The following TBC1D22B variants were observed in gnomAD, a reference collection of about 807,000 sequenced individuals.
The protein encoded by TBC1D22B is chromosome 6 open reading frame 197.
In TBC1D22B, 32 loss-of-function variants were observed where a neutral mutation model predicts 69.1. That is an observed-to-expected ratio of 0.46 (90% CI 0.35 to 0.62). The LOEUF is 0.62. Among genes scored for constraint, TBC1D22B ranks in the 20% least tolerant of loss-of-function variants. The pLI is 0.00. For synonymous variants in TBC1D22B, 206 were observed against 229.8 expected (o/e 0.90, Z 0.94); for missense variants, 462 against 630.9 (o/e 0.73, Z 2.87).
At chr6:37,297,883 A>C (rs1008434680) in intron 8 of TBC1D22B, among the ~76,000 whole-genome samples, 2 of 152,242 alleles carry the variant, frequency 1.3e-5, no homozygotes, top group South Asian at 4.1e-4. Context: ...GAATGAGTTC[A>C]TGTCCTTTGC....
At chr6:37,275,760 A>AATGTAT (rs1766649648) in intron 2 of TBC1D22B, among the ~76,000 whole-genome samples, 2 of 152,186 alleles carry the variant, frequency 1.3e-5, no homozygotes, top group Admixed American at 1.3e-4. Flanking sequence ...ATGGCTAGTG[A>AATGTAT]GTAGCCAATA....
At chr6:37,293,702 G>C (rs750859577) in intron 8 of TBC1D22B, among the ~76,000 whole-genome samples, 3 of 152,224 alleles carry the variant, frequency 2.0e-5, no homozygotes, top group Admixed American at 6.5e-5. Context: ...GCTTAGTGAA[G>C]AAGGTAGGTC....
At chr6:37,320,278 T>A (rs1167933418) in intron 12 of TBC1D22B, among the ~76,000 whole-genome samples, 3 of 152,146 alleles carry the variant, frequency 2.0e-5, no homozygotes, top group Non-Finnish European at 4.4e-5. Context: ...TGGGGTCGGA[T>A]CCCAGCTCTC....
intron 4 of TBC1D22B, 26 bp from the exon 5 acceptor site, chr6:37,282,856 C>T: frequency 6.2e-7 from 1 of 1,613,120 alleles, no homozygotes; most frequent in African/African-American, 1.3e-5. Flanking sequence ...GAGAGTTAAC[C>T]TAACAAGGCT....
chr6:37,328,232 G>A (rs1768487319), intron 12 of TBC1D22B, among the ~76,000 whole-genome samples: 2 of 152,184 alleles, frequency 1.3e-5, no homozygotes, highest in African/African-American at 4.8e-5. Flanking sequence ...TTGAACCTGG[G>A]AGGCGGAGGT....
At chr6:37,311,827 A>G (rs1232722850) in intron 8 of TBC1D22B, among the ~76,000 whole-genome samples, 1 of 152,242 alleles carries the variant, frequency 6.6e-6, no homozygotes, top group Non-Finnish European at 1.5e-5. Context: ...TAGAGAACTC[A>G]AGGGCTTGAT....
At chr6:37,284,836 C>A (rs1443706147) in intron 6 of TBC1D22B, among the ~76,000 whole-genome samples, 11 of 151,934 alleles carry the variant, frequency 7.2e-5, no homozygotes, top group Non-Finnish European at 1.6e-4. Context: ...TGCTGGTCCA[C>A]CAACCACACT....
In TBC1D22B at chr6:37,282,204, C is replaced by T; in HGVS notation, c.441C>T (p.Asn147=). 1 of 1,614,194 alleles carries T rather than the reference C, an allele frequency of 6.2e-7. No homozygotes were observed. The highest frequency in any genetic ancestry group is 1.1e-5 in the South Asian group (1 of 91,080). The part of the protein sequence containing the change: ...SRNSSDTCLR[N]PLHKQQSLPL... ...TCTCAGGTGATACATGCCTGAGGAA[C>T]CCACTCCACAAACAGCAATCACTCC... The change falls in exon 4 of 13, where the codon AAC becomes AAT. Residue 147 remains asparagine (N), a synonymous_variant. Coordinates refer to ENST00000373491, the MANE Select transcript of TBC1D22B (RefSeq NM_017772.4).
chr6:37,307,429 C>A (rs1367596684), intron 8 of TBC1D22B, among the ~76,000 whole-genome samples: 1 of 150,516 alleles, frequency 6.6e-6, no homozygotes, highest in African/African-American at 2.4e-5. Flanking sequence ...AATCTCGGCT[C>A]ACTGCAATTT....
chr6:37,263,052 C>T (rs902211229), intron 1 of TBC1D22B, among the ~76,000 whole-genome samples: 3 of 152,216 alleles, frequency 2.0e-5, no homozygotes, highest in South Asian at 2.1e-4. Flanking sequence ...TAACTAACCT[C>T]TGGTTTTTAG....
chr6:37,279,760 G>A (rs960498111), intron 3 of TBC1D22B, 149 bp downstream of exon 3: 64 of 904,908 alleles, frequency 7.1e-5, no homozygotes, highest in Non-Finnish European at 9.9e-5. Flanking sequence ...CATTAAGCCT[G>A]AGTGGTCACA....
intron 12 of TBC1D22B, among the ~76,000 whole-genome samples, chr6:37,323,583 C>A (rs1427568537): frequency 6.6e-6 from 1 of 152,162 alleles, no homozygotes; most frequent in Middle Eastern, 3.2e-3. Context: ...CTGAAGGTTT[C>A]TTTTGTAGGA....
intron 2 of TBC1D22B, among the ~76,000 whole-genome samples, chr6:37,277,854 C>T (rs534814698): frequency 4.6e-5 from 7 of 151,960 alleles, no homozygotes; most frequent in Middle Eastern, 6.8e-3. Flanking sequence ...AACTTCTGGG[C>T]GTGGTGGCTC....
chr6:37,307,751 TAGAA>T (rs985938849), intron 8 of TBC1D22B, among the ~76,000 whole-genome samples: 3 of 152,032 alleles, frequency 2.0e-5, no homozygotes, highest in African/African-American at 7.2e-5. Context: ...CTTTGGAAAA[TAGAA>T]AGGCCATCTG....
chr6:37,327,500 AAAAAAAT>A, intron 12 of TBC1D22B, among the ~76,000 whole-genome samples: 1 of 93,878 alleles, frequency 1.1e-5, no homozygotes, highest in Non-Finnish European at 2.0e-5. Flanking sequence ...AAAAAAAAAA[AAAAAAAT>A]AAGTTGAGAT....
intron 6 of TBC1D22B, among the ~76,000 whole-genome samples, chr6:37,286,560 C>T (rs1253571030): frequency 6.6e-6 from 1 of 151,914 alleles, no homozygotes; most frequent in Non-Finnish European, 1.5e-5. Context: ...CATGATCCGC[C>T]CGGCTTGGCC....
intron 8 of TBC1D22B, among the ~76,000 whole-genome samples, chr6:37,309,535 C>A (rs1767839685): frequency 6.6e-6 from 1 of 152,144 alleles, no homozygotes; most frequent in Non-Finnish European, 1.5e-5. Context: ...CCATCCTTCC[C>A]TGTGGGTTTC....
intron 8 of TBC1D22B, among the ~76,000 whole-genome samples, chr6:37,312,559 T>C (rs561140016): frequency 6.6e-6 from 1 of 152,306 alleles, no homozygotes; most frequent in East Asian, 1.9e-4. Context: ...TCAAAGAAAT[T>C]TTCCAGGCCA....
At chr6:37,324,365 T>C (rs1321698372) in intron 12 of TBC1D22B, 1 of 456,658 alleles carries the variant, frequency 2.2e-6, no homozygotes, top group Non-Finnish European at 4.4e-6. Flanking sequence ...GCACCGATGA[T>C]AAAAATCCAT....
Sources: gnomAD v4.1 joint callset for allele counts (sites outside exome capture counted in the v4.1 genomes callset) on GRCh38, gnomAD v4.1.1 for gene constraint, MANE v1.5 for transcripts, NCBI Gene and HGNC (gene_info 2026-07-23, HGNC 2026-07-21) for gene names.